RRP12: variants seen among roughly 807,000 people sequenced by gnomAD.
RRP12 encodes ribosomal RNA processing 12 homolog, also known as RRP12-like protein.
Under a neutral mutation model 157.3 loss-of-function variants are expected in RRP12, and 78 were observed. That is an observed-to-expected ratio of 0.50 (90% CI 0.41 to 0.60). The LOEUF is 0.60. RRP12 is among the 20% of genes least tolerant of loss of function. The pLI, the probability that RRP12 is intolerant of heterozygous loss-of-function variation, is 0.00. For synonymous variants in RRP12, 726 were observed against 670.9 expected, an observed-to-expected ratio of 1.08 and a Z score of -1.27; for missense variants, 1,521 against 1,679.9, an observed-to-expected ratio of 0.91 and a Z score of 1.65.
At position 97,385,036 on chromosome 10, in the gene RRP12, C is replaced by T. The variant is rs11189187; in HGVS notation, c.1208+130G>A. The T allele has an allele frequency of 5.1e-5, 31 of 612,456 alleles. No homozygotes were observed. The African/African-American group carries it at 5.4e-4, about 11-fold the overall frequency. 37.9% of individuals were successfully genotyped at this position (612,456 alleles called of 1,614,324 possible). A position where few individuals can be genotyped will look rare whatever the true frequency, so the allele number is the denominator to read the frequency against. On this transcript the variant is annotated intron_variant, in intron 10 of 33. Transcript: ENST00000370992. ...GCAGCCTGGACACAGGCCCTAAGGA[C>T]CCCCCCAACCTTGGCAGCCAGGATG...
At chr10:97,364,430 C>T (rs1394751774) in intron 29 of RRP12, among the ~76,000 whole-genome samples, 4 of 152,090 alleles carry the variant, frequency 2.6e-5, no homozygotes, top group African/African-American at 7.2e-5. Context: ...ATAGAGAGCA[C>T]GTGACCGGCC....
At chr10:97,393,563 C>G (rs1844870308) in intron 4 of RRP12, 121 bp downstream of exon 4, 1 of 835,608 alleles carries the variant, frequency 1.2e-6, no homozygotes, top group African/African-American at 1.7e-5. Flanking sequence ...TGCCTCTAGA[C>G]AATGTTCATG....
intron 4 of RRP12, chr10:97,393,481 G>C (rs1844867284): frequency 1.4e-6 from 1 of 690,536 alleles, no homozygotes; most frequent in Non-Finnish European, 2.6e-6. Flanking sequence ...CAGGGGTTCA[G>C]GACAGCCTAG....
At chr10:97,393,859 T>C in intron 3 of RRP12, 99 bp from the exon 4 acceptor site, 1 of 939,114 alleles carries the variant, frequency 1.1e-6, no homozygotes, top group African/African-American at 1.6e-5. Flanking sequence ...CAGTTGTGAC[T>C]GAGAACCACG....
At chr10:97,387,319 CT>C (rs1359386294) in intron 8 of RRP12, among the ~76,000 whole-genome samples, 5 of 149,774 alleles carry the variant, frequency 3.3e-5, no homozygotes, top group African/African-American at 1.2e-4. Flanking sequence ...TTTTTCTTTC[CT>C]TTTTTTTCTT....
Position 97,366,899 on chromosome 10 carries a change from C to T in RRP12, c.3058G>A (p.Val1020Met), listed in dbSNP as rs768077590. 6.2e-7 allele frequency: 1 copy of T among 1,613,556 alleles called. No individual in the cohort carries two copies. Among genetic ancestry groups the T allele is most frequent in the East Asian group, 2.2e-5 (1 of 44,866 alleles). The change falls in exon 27 of 34, where the codon GTG becomes ATG. Residue 1020 changes from valine to methionine, a missense_variant. Physicochemically the swap from Val to Met is conservative, Grantham distance 21 (BLOSUM62 1). Coordinates refer to ENST00000370992, the MANE Select transcript of RRP12 (RefSeq NM_015179.4). ...TACTCCTCGGGCAACAGCCTTTTCA[C>T]CAGCTCAAATCTGGAGGTGGCAAGG... ...KFIRKFGFEL[V>M]KRLLPEEYHR...
Position 97,357,030 on chromosome 10 carries a change from A to C in RRP12, c.*64T>G. ...ATCTTGAGCACCTGGAGCTGGTGGC[A>C]AGGCAGCCTGGGGGCTGAAAGGGCC... On this transcript the variant is annotated 3_prime_UTR_variant, in exon 34 of 34. Transcript: ENST00000370992. 1.1e-6 allele frequency: 1 copy of C among 924,966 alleles called. No homozygotes were observed. Among genetic ancestry groups the C allele is most frequent in the Non-Finnish European group, 1.7e-6 (1 of 582,412 alleles). 57.3% of individuals were successfully genotyped at this position (924,966 alleles called of 1,614,324 possible). A position where few individuals can be genotyped will look rare whatever the true frequency, so the allele number is the denominator to read the frequency against.
chr10:97,374,422 A>G (rs1476053935), intron 15 of RRP12, among the ~76,000 whole-genome samples: 1 of 151,574 alleles, frequency 6.6e-6, no homozygotes, highest in East Asian at 2.0e-4. Flanking sequence ...TCGGCCTCCC[A>G]AAGTGCTGGG....
In RRP12 at chr10:97,376,606, T is replaced by A. The variant is rs902335315; in HGVS notation, c.1798+2687A>T. On this transcript the variant is annotated intron_variant, in intron 15 of 33. Coordinates refer to ENST00000370992, the MANE Select transcript of RRP12 (RefSeq NM_015179.4). The stretch of plus-strand genomic sequence containing the variant: ...GAGCAGGGTTTCTCAATCTTGACAA[T>A]GTGGACATTTTGGGCCTAGTACTCT... Among the ~76,000 whole-genome samples the A allele has an allele frequency of 3.9e-5, 6 of 152,136 alleles. 1 individual carries two copies. The highest frequency in any genetic ancestry group is 3.3e-4 in the Admixed American group (5 of 15,278).
intron 1 of RRP12, among the ~76,000 whole-genome samples, chr10:97,400,765 T>A (rs1258804061): frequency 6.6e-6 from 1 of 152,148 alleles, no homozygotes; most frequent in East Asian, 1.9e-4. Context: ...TAAACGCCAC[T>A]GGGAATCGGC....
chr10:97,387,292 C>CTGAATATT (rs1304462069), intron 8 of RRP12, among the ~76,000 whole-genome samples: 3 of 151,340 alleles, frequency 2.0e-5, no homozygotes, highest in Non-Finnish European at 4.4e-5. Context: ...TTTCTTTTTC[C>CTGAATATT]TGAATATTTT....
chr10:97,376,647 G>A (rs1011751033), intron 15 of RRP12, among the ~76,000 whole-genome samples: 2 of 151,980 alleles, frequency 1.3e-5, no homozygotes, highest in African/African-American at 2.4e-5. Context: ...GTGTGAGGTC[G>A]TCCTGTGCAT....
intron 2 of RRP12, among the ~76,000 whole-genome samples, chr10:97,398,402 G>A (rs1845046000): frequency 7.4e-6 from 1 of 135,582 alleles, no homozygotes; most frequent in African/African-American, 2.8e-5. Context: ...CACCCAGGCT[G>A]AAGCGCAGTG....
At chr10:97,400,993 A>G in intron 1 of RRP12, 100 bp downstream of exon 1, 1 of 1,412,614 alleles carries the variant, frequency 7.1e-7, no homozygotes, top group South Asian at 1.3e-5. Context: ...CGAAAGGTCC[A>G]ATGCCTGGCC....
At position 97,394,956 on chromosome 10, in the gene RRP12, G is replaced by A. The variant is rs193140914; in HGVS notation, c.454-1196C>T. On this transcript the variant is annotated intron_variant, in intron 3 of 33. Coordinates refer to ENST00000370992, the MANE Select transcript of RRP12 (RefSeq NM_015179.4). ...TCAGGAGCTCAAGACAAGCTTGGGCGACATGACGAAACTCTGTCTCTACTA... is the reference window on the plus strand; with the variant it reads ...TCAGGAGCTCAAGACAAGCTTGGGCAACATGACGAAACTCTGTCTCTACTA... 3.0e-3 allele frequency among the ~76,000 whole-genome samples: 458 copies of A among 151,346 alleles called. 1 individual carries two copies. Among genetic ancestry groups the A allele is most frequent in the African/African-American group, 0.011 (439 of 41,232 alleles).
chr10:97,374,105 C>T (rs1844238005), intron 15 of RRP12, among the ~76,000 whole-genome samples: 1 of 152,164 alleles, frequency 6.6e-6, no homozygotes, highest in Admixed American at 6.6e-5. Context: ...CTCTTACTCC[C>T]CCAGAGATAG....
chr10:97,373,404 C>G (rs768713061), intron 17 of RRP12, among the ~76,000 whole-genome samples, 171 bp downstream of exon 17: 4 of 152,128 alleles, frequency 2.6e-5, no homozygotes, highest in Non-Finnish European at 5.9e-5. Flanking sequence ...TGGCTCCAAC[C>G]CCAGGGAGCC....
intron 20 of RRP12, 103 bp downstream of exon 20, chr10:97,371,970 C>T (rs1430169373): frequency 2.3e-5 from 17 of 731,302 alleles, no homozygotes; most frequent in Admixed American, 5.0e-5. Context: ...GACCTGATCT[C>T]GGGAAGCAGC....
intron 2 of RRP12, 73 bp downstream of exon 2, chr10:97,400,232 G>A (rs181837537): frequency 3.6e-6 from 4 of 1,118,894 alleles, no homozygotes; most frequent in African/African-American, 3.1e-5. Context: ...GAGACCTGTC[G>A]GCCAGAGCTG....
Sources: gnomAD v4.1 joint callset for allele counts (sites outside exome capture counted in the v4.1 genomes callset) on GRCh38, gnomAD v4.1.1 for gene constraint, MANE v1.5 for transcripts, NCBI Gene and HGNC (gene_info 2026-07-23, HGNC 2026-07-21) for gene names.